The following NLGN1 variants were observed in gnomAD, a reference collection of about 807,000 sequenced individuals.
NLGN1 encodes neuroligin 1, also known as neuroligin-1.
In NLGN1, 12 loss-of-function variants were observed where a neutral mutation model predicts 65.5. The ratio of observed to expected loss-of-function variants is 0.18; its 90% CI spans 0.12 to 0.30. NLGN1 has a LOEUF of 0.30. NLGN1 is among the 10% of genes least tolerant of loss of function. NLGN1 has a pLI of 1.00. For synonymous variants in NLGN1, 350 were observed against 359.5 expected, an observed-to-expected ratio of 0.97 and a Z score of 0.30; for missense variants, 750 against 1,007.1, an observed-to-expected ratio of 0.74 and a Z score of 3.46.
chr3:173,923,834 A>C (rs1742510084), intron 4 of NLGN1, among the ~76,000 whole-genome samples: 1 of 152,158 alleles, frequency 6.6e-6, no homozygotes, highest in South Asian at 2.1e-4. Context: ...TTGAGTTGTC[A>C]GCTGAGAGAT....
chr3:174,125,649 C>T (rs1386061996), intron 4 of NLGN1, among the ~76,000 whole-genome samples: 1 of 151,940 alleles, frequency 6.6e-6, no homozygotes, highest in Non-Finnish European at 1.5e-5. Context: ...TGAAATATTG[C>T]CTAGTGAGTT....
chr3:173,512,275 A>G (rs750798958), intron 2 of NLGN1, among the ~76,000 whole-genome samples: 2 of 152,220 alleles, frequency 1.3e-5, no homozygotes, highest in Non-Finnish European at 2.9e-5. Context: ...GTGCATCTTG[A>G]ATTCTAGTCT....
At chr3:173,786,224 C>T (rs938822342) in intron 3 of NLGN1, among the ~76,000 whole-genome samples, 1 of 151,986 alleles carries the variant, frequency 6.6e-6, no homozygotes, top group Non-Finnish European at 1.5e-5. Context: ...AGGTATGTTC[C>T]AATGCAGAGG....
chr3:174,009,390 A>G lies in NLGN1; in HGVS notation c.646+201558A>G, dbSNP rs928465015. On this transcript the variant is annotated intron_variant, in intron 4 of 6. Transcript: ENST00000457714. ...GTATTAATGAAAATATCTAACAGCA[A>G]TTGAGTGTTTATTATATGTCATTCA... 2.0e-4 allele frequency among the ~76,000 whole-genome samples: 31 copies of G among 152,158 alleles called. 1 individual carries two copies. Among genetic ancestry groups the G allele is most frequent in the Admixed American group, 1.3e-4 (2 of 15,262 alleles).
intron 3 of NLGN1, among the ~76,000 whole-genome samples, chr3:173,668,773 G>A (rs1235133226): frequency 2.0e-5 from 3 of 151,932 alleles, no homozygotes; most frequent in Non-Finnish European, 4.4e-5. Flanking sequence ...ACAGGCATGA[G>A]CCACCGTGCC....
At chr3:173,768,798 G>T (rs1355415137) in intron 3 of NLGN1, among the ~76,000 whole-genome samples, 2 of 152,106 alleles carry the variant, frequency 1.3e-5, no homozygotes, top group African/African-American at 2.4e-5. Context: ...CTGAGACAGG[G>T]TCTTGCTCTG....
intron 2 of NLGN1, among the ~76,000 whole-genome samples, chr3:173,550,484 T>C (rs1433731020): frequency 1.3e-5 from 2 of 152,148 alleles, no homozygotes; most frequent in African/African-American, 4.8e-5. Context: ...ATAAGAATTA[T>C]GTTAGCTATT....
chr3:173,889,074 A>T lies in NLGN1; in HGVS notation c.646+81242A>T, dbSNP rs547786233. 7.9e-5 allele frequency among the ~76,000 whole-genome samples: 12 copies of T among 152,292 alleles called. No homozygotes were observed. The East Asian group carries it at 2.3e-3, about 29-fold the overall frequency. On this transcript the variant is annotated intron_variant, in intron 4 of 6. Coordinates refer to ENST00000457714, the Ensembl canonical transcript of NLGN1. ...ACGAAAATTGAAGGCTTCTAATTTT[A>T]TGCAGAGTGACAGCTATGTATTTCC...
chr3:174,011,310 C>A (rs1725510172), intron 4 of NLGN1, among the ~76,000 whole-genome samples: 1 of 152,148 alleles, frequency 6.6e-6, no homozygotes, highest in South Asian at 2.1e-4. Context: ...TTCTTTCAGC[C>A]ATTCTGCTTT....
intron 4 of NLGN1, among the ~76,000 whole-genome samples, chr3:174,146,574 T>TC: frequency 6.6e-6 from 1 of 152,038 alleles, no homozygotes; most frequent in South Asian, 2.1e-4. Flanking sequence ...ATGAATCTTT[T>TC]TTTTTTTTTT....
chr3:174,156,579 G>A (rs1398584055), intron 4 of NLGN1, among the ~76,000 whole-genome samples: 1 of 151,684 alleles, frequency 6.6e-6, no homozygotes, highest in African/African-American at 2.4e-5. Flanking sequence ...TCCATATTTA[G>A]TGTATCAAAG....
chr3:173,434,179 A>G (rs1233840012), intron 1 of NLGN1, among the ~76,000 whole-genome samples: 1 of 152,162 alleles, frequency 6.6e-6, no homozygotes, highest in Admixed American at 6.6e-5. Context: ...ATATCAGATA[A>G]TGTTTAGACA....
At position 173,893,067 on chromosome 3, in the gene NLGN1, C is replaced by T. The variant is rs549189030; in HGVS notation, c.646+85235C>T. ...CAGACAGAAAACAGGTATCTCCTAT[C>T]CACACTTTTGTGAGAAATCAGGCGC... is the stretch of plus-strand genomic sequence containing the variant. On this transcript the variant is annotated intron_variant, in intron 4 of 6. Coordinates refer to ENST00000457714, the Ensembl canonical transcript of NLGN1. Among the ~76,000 whole-genome samples the T allele has an allele frequency of 8.5e-5, 13 of 152,272 alleles. No homozygotes were observed. In the South Asian group the frequency reaches 2.7e-3, roughly 32 times the overall value.
intron 3 of NLGN1, among the ~76,000 whole-genome samples, chr3:173,788,717 A>G (rs1270846671): frequency 6.6e-6 from 1 of 151,076 alleles, no homozygotes; most frequent in Non-Finnish European, 1.5e-5. Context: ...GCTGCTGGAG[A>G]GGCTGAGGCA....
intron 4 of NLGN1, among the ~76,000 whole-genome samples, chr3:174,011,045 A>T (rs1422342225): frequency 6.6e-6 from 1 of 152,184 alleles, no homozygotes; most frequent in East Asian, 1.9e-4. Context: ...AATACAATTT[A>T]CGTATGAATA....
chr3:173,610,977 A>G lies in NLGN1; in HGVS notation c.493+5886A>G, dbSNP rs146288029. Among the ~76,000 whole-genome samples the G allele has an allele frequency of 2.3e-3, 356 of 152,142 alleles. 15 individuals are homozygous for G. The East Asian group carries it at 0.048, about 21-fold the overall frequency. ...GAACAATATTAAATACAGGCAAAAG[A>G]TGGTAGAAATTCTGGAACAGTATCC... On this transcript the variant is annotated intron_variant, in intron 3 of 6. Coordinates refer to ENST00000457714, the Ensembl canonical transcript of NLGN1.
At chr3:173,524,177 C>A (rs1181120902) in intron 2 of NLGN1, among the ~76,000 whole-genome samples, 1 of 151,864 alleles carries the variant, frequency 6.6e-6, no homozygotes, top group Non-Finnish European at 1.5e-5. Flanking sequence ...CTGCCCGCCT[C>A]AGCCTCCCAA....
At chr3:174,082,569 A>G (rs1444043300) in intron 4 of NLGN1, among the ~76,000 whole-genome samples, 1 of 151,864 alleles carries the variant, frequency 6.6e-6, no homozygotes, top group South Asian at 2.1e-4. Context: ...AATATATACA[A>G]TAGTATATAC....
intron 3 of NLGN1, among the ~76,000 whole-genome samples, chr3:173,686,910 G>A (rs1394258436): frequency 2.0e-5 from 3 of 151,792 alleles, no homozygotes; most frequent in African/African-American, 7.3e-5. Flanking sequence ...CCGAGATCAC[G>A]CCATTGCACT....
Sources: gnomAD v4.1 joint callset for allele counts (sites outside exome capture counted in the v4.1 genomes callset) on GRCh38, gnomAD v4.1.1 for gene constraint, MANE v1.5 for transcripts, NCBI Gene and HGNC (gene_info 2026-07-23, HGNC 2026-07-21) for gene names.